GRIK1: variants seen among roughly 807,000 people sequenced by gnomAD.
The protein encoded by GRIK1 is glutamate ionotropic receptor kainate type subunit 1, also known as glutamate receptor ionotropic, kainate 1.
GRIK1 carries 69 observed loss-of-function variants against 105.7 expected under a neutral mutation model. That is an observed-to-expected ratio of 0.65 (90% CI 0.54 to 0.80). The LOEUF (loss-of-function observed/expected upper bound fraction) is 0.80, where lower values mean the gene tolerates loss of function less well. GRIK1 is among the 30% of genes least tolerant of loss of function. GRIK1 has a pLI of 0.00. For missense variants in GRIK1, 1,109 were observed against 1,167.3 expected (o/e 0.95, Z 0.73); for synonymous variants, 438 against 431.3 (o/e 1.02, Z -0.19).
chr21:29,715,353 T>C (rs1264833231), intron 1 of GRIK1, among the ~76,000 whole-genome samples: 1 of 152,124 alleles, frequency 6.6e-6, no homozygotes, highest in South Asian at 2.1e-4. Context: ...CCATTCTAAA[T>C]GTACTAGGAG....
intron 1 of GRIK1, among the ~76,000 whole-genome samples, chr21:29,897,556 T>C (rs1436745257): frequency 6.6e-6 from 1 of 152,228 alleles, no homozygotes; most frequent in East Asian, 1.9e-4. Flanking sequence ...GATTTAGCTT[T>C]ATTATTAGAA....
At chr21:29,619,123 CAA>C (rs35003722) in intron 7 of GRIK1, among the ~76,000 whole-genome samples, 14,426 of 81,500 alleles carry the variant, frequency 0.18, 1,331 homozygotes, top group African/African-American at 0.34. Flanking sequence ...GAGACTCCGT[CAA>C]AAAAAAAAAA....
At chr21:29,828,049 T>A (rs1281404467) in intron 1 of GRIK1, among the ~76,000 whole-genome samples, 1 of 150,746 alleles carries the variant, frequency 6.6e-6, no homozygotes, top group African/African-American at 2.4e-5. Context: ...GTGTGTCTAA[T>A]GAAACACAGG....
At chr21:29,695,442 A>G (rs1364468052) in intron 1 of GRIK1, among the ~76,000 whole-genome samples, 1 of 131,378 alleles carries the variant, frequency 7.6e-6, no homozygotes, top group Non-Finnish European at 1.7e-5. Flanking sequence ...ATCAATATCT[A>G]TCTATCTATC....
chr21:29,872,652 G>A (rs1463952033), intron 1 of GRIK1, among the ~76,000 whole-genome samples: 2 of 152,150 alleles, frequency 1.3e-5, no homozygotes, highest in Non-Finnish European at 1.5e-5. Flanking sequence ...ACAGTTCCAC[G>A]TAGCTGGGGA....
intron 1 of GRIK1, among the ~76,000 whole-genome samples, chr21:29,794,210 A>C (rs970971323): frequency 6.6e-6 from 1 of 152,160 alleles, no homozygotes; most frequent in Non-Finnish European, 1.5e-5. Context: ...GATCAAATGA[A>C]ATGACCACAT....
At chr21:29,850,304 A>AT (rs1043523884) in intron 1 of GRIK1, among the ~76,000 whole-genome samples, 19 of 151,858 alleles carry the variant, frequency 1.3e-4, no homozygotes, top group South Asian at 2.1e-4. Flanking sequence ...GCAGATGTAA[A>AT]TTTTTTTTTG....
chr21:29,662,115 G>A (rs363566), intron 4 of GRIK1, among the ~76,000 whole-genome samples: 12,931 of 152,266 alleles, frequency 0.085, 633 homozygotes, highest in Non-Finnish European at 0.1. Flanking sequence ...CTCCTTAGAG[G>A]TATGGTCTGC....
intron 4 of GRIK1, among the ~76,000 whole-genome samples, chr21:29,660,842 T>G (rs1193894881): frequency 3.9e-5 from 6 of 152,218 alleles, no homozygotes; most frequent in Admixed American, 3.9e-4. Context: ...TGTGTGAACA[T>G]GCAATGTGGC....
intron 1 of GRIK1, among the ~76,000 whole-genome samples, chr21:29,918,224 A>G (rs777367140): frequency 6.6e-6 from 1 of 152,146 alleles, no homozygotes; most frequent in Non-Finnish European, 1.5e-5. Flanking sequence ...TATGAATCTC[A>G]AATAATTACA....
intron 12 of GRIK1, among the ~76,000 whole-genome samples, chr21:29,583,307 A>T (rs1249768094): frequency 6.6e-6 from 1 of 152,176 alleles, no homozygotes; most frequent in Admixed American, 6.6e-5. Flanking sequence ...AGAAATGAAT[A>T]CCAATATTAA....
At chr21:29,785,075 A>G (rs1282416993) in intron 1 of GRIK1, among the ~76,000 whole-genome samples, 1 of 152,214 alleles carries the variant, frequency 6.6e-6, no homozygotes, top group Non-Finnish European at 1.5e-5. Context: ...CAATTCAGAA[A>G]TGGTTCCCTC....
At chr21:29,571,676 G>T (rs796966236) in intron 14 of GRIK1, among the ~76,000 whole-genome samples, 3 of 152,288 alleles carry the variant, frequency 2.0e-5, no homozygotes, top group African/African-American at 7.2e-5. Flanking sequence ...TATTTTGTTT[G>T]ATCATGGATC....
chr21:29,787,835 T>A (rs1179684482), intron 1 of GRIK1, among the ~76,000 whole-genome samples: 2 of 152,218 alleles, frequency 1.3e-5, no homozygotes, highest in Admixed American at 6.5e-5. Context: ...AGTTATGCAT[T>A]TCTTTGGTAA....
At position 29,939,530 on chromosome 21, in the gene GRIK1, A is replaced by G. The variant is rs758723461; in HGVS notation, c.-30T>C. The G allele has an allele frequency of 1.4e-6, 2 of 1,421,374 alleles. No individual in the cohort carries two copies. Among genetic ancestry groups the G allele is most frequent in the East Asian group, 5.2e-5 (2 of 38,138 alleles). 88.0% of individuals were successfully genotyped at this position (1,421,374 alleles called of 1,614,324 possible). On this transcript the variant is annotated 5_prime_UTR_variant, in exon 1 of 18. Transcript: ENST00000327783. ...CTAGCTTCTTAATTCATGCCGAGAT[A>G]CAGCCGCTGCCGGACGCCCGAGAGA...
At chr21:29,561,475 C>G in intron 15 of GRIK1, 149 bp downstream of exon 15, 1 of 593,274 alleles carries the variant, frequency 1.7e-6, no homozygotes, top group South Asian at 2.2e-5. Flanking sequence ...GACTATGTCT[C>G]TGATCTATAT....
intron 1 of GRIK1, among the ~76,000 whole-genome samples, chr21:29,902,272 G>A (rs4488748): frequency 0.28 from 42,879 of 151,996 alleles, 8,302 homozygotes; most frequent in African/African-American, 0.56. Context: ...CTCCTATTCA[G>A]CGTAGTATTG....
Position 29,588,955 on chromosome 21 carries a change from C to A in GRIK1, c.1453G>T (p.Glu485Ter). The part of the protein sequence containing the change: ...FEGYCLDLLK[E>*]LSNILGFIYD... ...ATGAAACCCAGGATGTTTGACAATT[C>A]TTTCAACAGGTCTAGGCAATATCCT... Residue 485 changes from glutamate to a stop codon, truncating the protein, a stop_gained, in exon 11 of 18, where the codon GAA becomes TAA. Transcript: ENST00000327783. LOFTEE classifies it high-confidence loss of function. The A allele has an allele frequency of 6.2e-7, 1 of 1,602,888 alleles. No homozygotes were observed. The highest frequency in any genetic ancestry group is 1.1e-5 in the South Asian group (1 of 90,834).
intron 1 of GRIK1, among the ~76,000 whole-genome samples, chr21:29,825,729 T>C (rs1172931194): frequency 6.6e-6 from 1 of 152,092 alleles, no homozygotes. Flanking sequence ...GGAGTACTGG[T>C]CTAAATAGAA....
Sources: allele counts gnomAD v4.1 joint callset (sites outside exome capture counted in the v4.1 genomes callset), GRCh38; gene constraint gnomAD v4.1.1; transcripts MANE v1.5; gene names NCBI Gene and HGNC (gene_info 2026-07-23, HGNC 2026-07-21).